Variants in MICAL2 observed in about 807,000 individuals in gnomAD.
The protein encoded by MICAL2 is microtubule associated monooxygenase, calponin and LIM domain containing 2.
MICAL2 carries 77 observed loss-of-function variants against 127.3 expected under a neutral mutation model. The observed-to-expected ratio is 0.60, with a 90% CI of 0.50 to 0.73. The LOEUF (loss-of-function observed/expected upper bound fraction) is 0.73, where lower values mean the gene tolerates loss of function less well. Ranked by LOEUF, MICAL2 falls within the 30% of genes least tolerant of loss-of-function variation. MICAL2 has a pLI of 0.00. For missense variants in MICAL2, 1,351 were observed against 1,434.4 expected, an observed-to-expected ratio of 0.94 and a Z score of 0.94; for synonymous variants, 570 against 551.1, an observed-to-expected ratio of 1.03 and a Z score of -0.48.
chr11:12,168,194 C>T (rs896020205), intron 3 of MICAL2, among the ~76,000 whole-genome samples: 3 of 146,282 alleles, frequency 2.1e-5, no homozygotes, highest in Non-Finnish European at 4.5e-5. Flanking sequence ...ACCATACATA[C>T]ACATACAGTT....
At chr11:12,257,267 TGTC>T (rs1862456601) in intron 24 of MICAL2, 4 of 311,548 alleles carry the variant, frequency 1.3e-5, no homozygotes, top group Middle Eastern at 1.7e-3. Flanking sequence ...CACCCTCCAT[TGTC>T]CCTGTATGGC....
Position 12,185,690 on chromosome 11 carries a change from T to G in MICAL2, c.265-18560T>G, listed in dbSNP as rs531519503. On this transcript the variant is annotated intron_variant, in intron 3 of 27. Coordinates refer to ENST00000683283, the MANE Select transcript of MICAL2 (RefSeq NM_001282663.2). Reference sequence around the variant, plus strand: ...TTCTCTGTTCAGCCCTAGTTCTTAGTGTTCTTTGTACGGTACTCCGCACTG... The same window carrying G: ...TTCTCTGTTCAGCCCTAGTTCTTAGGGTTCTTTGTACGGTACTCCGCACTG... Among the ~76,000 whole-genome samples the G allele has an allele frequency of 1.0e-3, 152 of 152,298 alleles. 1 individual carries two copies. Among genetic ancestry groups the G allele is most frequent in the Admixed American group, 1.3e-3 (20 of 15,302 alleles).
chr11:12,219,377 C>T (rs1197686341), intron 8 of MICAL2, among the ~76,000 whole-genome samples: 4 of 151,854 alleles, frequency 2.6e-5, no homozygotes, highest in African/African-American at 9.7e-5. Context: ...CTCTGCACTC[C>T]CCATGAAAGA....
chr11:12,271,169 A>G (rs1863671122), upstream of MICAL2, among the ~76,000 whole-genome samples: 1 of 152,192 alleles, frequency 6.6e-6, no homozygotes, highest in South Asian at 2.1e-4. Flanking sequence ...TGAGGTGCTC[A>G]GTTCTGGGCA....
rs776495502 is a variant in MICAL2, at chr11:12,224,794, C to T, written c.1662C>T (p.Ile554=). ...GCAGTGGGTTGGCCCTGTGTGCCAT[C>T]ATCCACCGCTTCCGGCCTGAGCTCA... The part of the protein sequence containing the change: ...SWRSGLALCA[I]IHRFRPELIN... Residue 554 remains isoleucine (I), a synonymous_variant, in exon 13 of 28, where the codon ATC becomes ATT. Transcript: ENST00000683283. 6.2e-6 allele frequency: 10 copies of T among 1,613,786 alleles called. No individual in the cohort carries two copies. Among genetic ancestry groups the T allele is most frequent in the Non-Finnish European group, 8.5e-6 (10 of 1,179,668 alleles).
chr11:12,236,074 C>A, intron 15 of MICAL2, 103 bp from the exon 16 acceptor site: 1 of 944,102 alleles, frequency 1.1e-6, no homozygotes, highest in Non-Finnish European at 1.7e-6. Flanking sequence ...AGGGACACAT[C>A]CTCAGCGCCA....
chr11:12,194,764 G>T (rs1213659460), intron 3 of MICAL2, among the ~76,000 whole-genome samples: 2 of 151,904 alleles, frequency 1.3e-5, no homozygotes, highest in African/African-American at 4.8e-5. Context: ...AAAACACCAG[G>T]GTACCAGCAC....
intron 1 of MICAL2, among the ~76,000 whole-genome samples, chr11:12,131,505 C>A (rs1344326679): frequency 6.6e-6 from 1 of 152,168 alleles, no homozygotes; most frequent in African/African-American, 2.4e-5. Context: ...TTTCAACACC[C>A]TCATCCCCCA....
At chr11:12,155,329 T>C (rs1021608725) in intron 2 of MICAL2, among the ~76,000 whole-genome samples, 6 of 152,132 alleles carry the variant, frequency 3.9e-5, no homozygotes, top group South Asian at 2.1e-4. Flanking sequence ...CACACGCACA[T>C]ATACACATAC....
Position 12,209,494 on chromosome 11 carries a change from T to C in MICAL2, c.590-3T>C. On this transcript the variant is annotated splice_region_variant and splice_polypyrimidine_tract_variant and intron_variant, in intron 5 of 27. Coordinates refer to ENST00000683283, the MANE Select transcript of MICAL2 (RefSeq NM_001282663.2). ...AACTCATCTCATTTCTCTGTCCTGG[T>C]AGAAATTGGCTGGCGGGCAGAATTT... is the stretch of plus-strand genomic sequence containing the variant. 6.2e-7 allele frequency: 1 copy of C among 1,609,896 alleles called. No individual in the cohort carries two copies. The highest frequency in any genetic ancestry group is 8.5e-7 in the Non-Finnish European group (1 of 1,176,130).
chr11:12,212,670 T>C (rs1252973360), intron 6 of MICAL2, among the ~76,000 whole-genome samples: 1 of 152,108 alleles, frequency 6.6e-6, no homozygotes, highest in African/African-American at 2.4e-5. Context: ...CTTAGCTAAT[T>C]ACACCTGCAA....
upstream of MICAL2, chr11:12,274,347 C>T (rs891611816): frequency 1.3e-5 from 2 of 152,164 alleles, no homozygotes; most frequent in East Asian, 3.9e-4. Context: ...CCAGGTACCA[C>T]CCTAGCAACA....
At chr11:12,221,498 C>T (rs572522413) in intron 9 of MICAL2, 146 bp from the exon 10 acceptor site, 19 of 550,792 alleles carry the variant, frequency 3.4e-5, no homozygotes, top group East Asian at 5.9e-5. Flanking sequence ...GATGAATCCT[C>T]ATAGGTAGCA....
intron 3 of MICAL2, among the ~76,000 whole-genome samples, chr11:12,192,862 A>G (rs1859387828): frequency 6.6e-6 from 1 of 152,190 alleles, no homozygotes; most frequent in Non-Finnish European, 1.5e-5. Flanking sequence ...AGTGCTTGCC[A>G]TATGCATACG....
intron 2 of MICAL2, among the ~76,000 whole-genome samples, chr11:12,148,478 A>G (rs916830829): frequency 2.0e-5 from 3 of 152,130 alleles, no homozygotes; most frequent in Non-Finnish European, 2.9e-5. Context: ...GAAGCTGGTG[A>G]GTTGGGAAGG....
chr11:12,147,845 C>T (rs1458848520), intron 2 of MICAL2, among the ~76,000 whole-genome samples: 1 of 152,216 alleles, frequency 6.6e-6, no homozygotes, highest in Non-Finnish European at 1.5e-5. Context: ...TTAAAAACAT[C>T]TTTTCCTCTT....
chr11:12,286,181 A>T (rs972215784), intron 2 of MICAL2, among the ~76,000 whole-genome samples: 1 of 152,110 alleles, frequency 6.6e-6, no homozygotes, highest in Non-Finnish European at 1.5e-5. Flanking sequence ...TCCCGCAAAT[A>T]TGTTTCCCTT....
intron 2 of MICAL2, among the ~76,000 whole-genome samples, chr11:12,281,734 T>C (rs774610901): frequency 6.6e-6 from 1 of 152,144 alleles, no homozygotes; most frequent in Non-Finnish European, 1.5e-5. Flanking sequence ...ACAGGCTGAG[T>C]GGTCTCCCGA....
At chr11:12,251,080 T>C (rs1861469702) in intron 22 of MICAL2, among the ~76,000 whole-genome samples, 1 of 149,242 alleles carries the variant, frequency 6.7e-6, no homozygotes, top group South Asian at 2.1e-4. Context: ...AGAGTAAGTG[T>C]TGGAAACTTG....
Sources: allele counts gnomAD v4.1 joint callset (sites outside exome capture counted in the v4.1 genomes callset), GRCh38; gene constraint gnomAD v4.1.1; transcripts MANE v1.5; gene names NCBI Gene and HGNC (gene_info 2026-07-23, HGNC 2026-07-21).